CHRNA5: variants seen among roughly 807,000 people sequenced by gnomAD.
The protein encoded by CHRNA5 is neuronal acetylcholine receptor subunit alpha-5.
CHRNA5 carries 28 observed loss-of-function variants against 41.2 expected under a neutral mutation model. That is an observed-to-expected ratio of 0.68 (90% CI 0.50 to 0.93). The LOEUF is 0.93. Among genes scored for constraint, CHRNA5 ranks in the 40% least tolerant of loss-of-function variants. The pLI, the probability that CHRNA5 is intolerant of heterozygous loss-of-function variation, is 0.00. For missense variants in CHRNA5, 481 were observed against 581.9 expected, an observed-to-expected ratio of 0.83 and a Z score of 1.78; for synonymous variants, 188 against 205.8, an observed-to-expected ratio of 0.91 and a Z score of 0.74.
intron 2 of CHRNA5, among the ~76,000 whole-genome samples, chr15:78,586,212 T>A (rs1000797122): frequency 6.6e-6 from 1 of 152,224 alleles, no homozygotes; most frequent in Non-Finnish European, 1.5e-5. Context: ...TCTCACTGAT[T>A]CTAAGAAGCA....
intron 1 of CHRNA5, among the ~76,000 whole-genome samples, chr15:78,575,562 A>G (rs2052849023): frequency 6.6e-6 from 1 of 152,190 alleles, no homozygotes; most frequent in African/African-American, 2.4e-5. Flanking sequence ...AGAGTGCCCA[A>G]TGCCACAAGC....
chr15:78,577,103 A>G (rs775386463), intron 1 of CHRNA5, among the ~76,000 whole-genome samples: 16 of 152,354 alleles, frequency 1.1e-4, no homozygotes, highest in South Asian at 2.1e-4. Flanking sequence ...GGCTAGAGCT[A>G]TCGGGGGTGT....
At chr15:78,570,424 A>ATTTTTTTTTTTG (rs2052791944) in intron 1 of CHRNA5, among the ~76,000 whole-genome samples, 1 of 64,184 alleles carries the variant, frequency 1.6e-5, no homozygotes, top group Admixed American at 2.5e-4. Context: ...AATCCCGGCT[A>ATTTTTTTTTTTG]TTTTTTTTTT....
chr15:78,570,562 G>A (rs1025119488), intron 1 of CHRNA5, among the ~76,000 whole-genome samples: 2 of 150,740 alleles, frequency 1.3e-5, no homozygotes, highest in Non-Finnish European at 3.0e-5. Context: ...GAGCCACCAC[G>A]CCCGGCCCCT....
Position 78,588,205 on chromosome 15 carries a change from G to C in CHRNA5, c.304-109G>C. The C allele has an allele frequency of 3.5e-6, 2 of 566,432 alleles. No homozygotes were observed. Among genetic ancestry groups the C allele is most frequent in the Non-Finnish European group, 6.3e-6 (2 of 316,462 alleles). 35.1% of individuals were successfully genotyped at this position (566,432 alleles called of 1,614,324 possible). On this transcript the variant is annotated intron_variant, in intron 3 of 5. Transcript: ENST00000299565. The surrounding 1 kb of genome is among the most constrained non-coding windows in gnomAD (Gnocchi z 4.1). ...GACAGGGAGGTGTTCTCTATTGGGGGTAGAGATGATCTCATGTCTAAAATT... is the reference window on the plus strand; with the variant it reads ...GACAGGGAGGTGTTCTCTATTGGGGCTAGAGATGATCTCATGTCTAAAATT...
intron 1 of CHRNA5, among the ~76,000 whole-genome samples, chr15:78,569,830 T>G (rs545956345): frequency 9.9e-5 from 15 of 152,058 alleles, no homozygotes; most frequent in African/African-American, 3.6e-4. Context: ...TGTTTTTGTT[T>G]TTTTTCTTGA....
At chr15:78,594,379 TA>T (rs1567067288) in exon 6 of CHRNA5, 1 of 152,054 alleles carries the variant, frequency 6.6e-6, no homozygotes, top group African/African-American at 2.4e-5. Context: ...GAACCCCATT[TA>T]AAAAACATAT....
At chr15:78,593,004 T>G in intron 5 of CHRNA5, 88 bp from the exon 6 acceptor site, 2 of 1,499,186 alleles carry the variant, frequency 1.3e-6, no homozygotes, top group Non-Finnish European at 8.9e-7. Flanking sequence ...AGAAATCGAT[T>G]TGGCTTCTAA....
chr15:78,586,769 C>T (rs1441835719), intron 3 of CHRNA5, 80 bp downstream of exon 3: 1 of 999,560 alleles, frequency 1.0e-6, no homozygotes, highest in East Asian at 2.4e-5. Context: ...AGCAGAAATA[C>T]AAGAGTATGT....
intron 1 of CHRNA5, among the ~76,000 whole-genome samples, chr15:78,568,406 A>G (rs928260925): frequency 1.3e-5 from 2 of 152,158 alleles, no homozygotes; most frequent in Non-Finnish European, 2.9e-5. Flanking sequence ...TTTCTTAGCT[A>G]TGTGACATTT....
chr15:78,578,156 AC>A (rs1377241443), intron 1 of CHRNA5, among the ~76,000 whole-genome samples: 8 of 152,198 alleles, frequency 5.3e-5, no homozygotes, highest in Non-Finnish European at 2.9e-5. Flanking sequence ...GCATAAGGTG[AC>A]TTTTACAGGC....
chr15:78,588,406 C>A lies in CHRNA5; in HGVS notation c.396C>A (p.Asp132Glu), dbSNP rs1180691964. The change falls in exon 4 of 6, where the codon GAC (aspartate) becomes GAA (glutamate). Residue 132 changes from aspartate (D) to glutamate (E), a missense_variant. Transcript: ENST00000299565. The surrounding 1 kb of genome is among the most constrained non-coding windows in gnomAD (Gnocchi z 4.1). ...CTTCAGACTCTGTCTGGACACCAGA[C>A]ATCGTTTTGTTTGATAAGTAAGTTA... 1.3e-6 allele frequency: 2 copies of A among 1,522,676 alleles called. No homozygotes were observed. Among genetic ancestry groups the A allele is most frequent in the African/African-American group, 1.4e-5 (1 of 72,140 alleles). 94.3% of individuals were successfully genotyped at this position (1,522,676 alleles called of 1,614,324 possible).
chr15:78,585,555 G>A (rs1413404958), intron 2 of CHRNA5, among the ~76,000 whole-genome samples: 2 of 152,022 alleles, frequency 1.3e-5, no homozygotes, highest in Non-Finnish European at 2.9e-5. Flanking sequence ...TGGATCTTTT[G>A]TTGATTCTCC....
intron 2 of CHRNA5, among the ~76,000 whole-genome samples, chr15:78,581,294 TTTTAAG>T (rs2052911360): frequency 6.6e-6 from 1 of 152,176 alleles, no homozygotes; most frequent in South Asian, 2.1e-4. Context: ...GAAAATAAAT[TTTTAAG>T]TTTAAGAGAA....
At chr15:78,582,937 A>G (rs2052926526) in intron 2 of CHRNA5, among the ~76,000 whole-genome samples, 1 of 152,224 alleles carries the variant, frequency 6.6e-6, no homozygotes, top group South Asian at 2.1e-4. Context: ...TCCTACTGGC[A>G]CTAGCCATTT....
chr15:78,567,971 T>A (rs1406539119), intron 1 of CHRNA5, among the ~76,000 whole-genome samples: 2 of 152,240 alleles, frequency 1.3e-5, no homozygotes, highest in African/African-American at 4.8e-5. Context: ...GCTGTCTGTG[T>A]TTCCTTGGAC....
intron 1 of CHRNA5, among the ~76,000 whole-genome samples, chr15:78,579,479 C>T (rs1487280130): frequency 6.6e-6 from 1 of 152,192 alleles, no homozygotes; most frequent in Non-Finnish European, 1.5e-5. Flanking sequence ...GTCTCGAACT[C>T]CTTACCTCAG....
intron 1 of CHRNA5, among the ~76,000 whole-genome samples, chr15:78,577,530 G>T (rs1039192203): frequency 1.2e-4 from 18 of 152,130 alleles, no homozygotes; most frequent in African/African-American, 4.3e-4. Context: ...AGAATGTTGG[G>T]ATTACTATTT....
At chr15:78,572,513 TG>T (rs2052814988) in intron 1 of CHRNA5, among the ~76,000 whole-genome samples, 2 of 152,206 alleles carry the variant, frequency 1.3e-5, no homozygotes, top group Admixed American at 1.3e-4. Flanking sequence ...GACGGAGTTT[TG>T]CTCTTGTTGC....
Sources: gnomAD v4.1 joint callset for allele counts (sites outside exome capture counted in the v4.1 genomes callset) on GRCh38, gnomAD v4.1.1 for gene constraint, Gnocchi (gnomAD v3.1) non-coding constraint, MANE v1.5 for transcripts, NCBI Gene and HGNC (gene_info 2026-07-23, HGNC 2026-07-21) for gene names.